Variants in EXOC4 observed in about 807,000 individuals in gnomAD.
EXOC4 encodes exocyst complex component 4.
EXOC4 carries 71 observed loss-of-function variants against 107.2 expected under a neutral mutation model. The observed-to-expected ratio is 0.66, with a 90% confidence interval of 0.55 to 0.81. The LOEUF (loss-of-function observed/expected upper bound fraction) is 0.81. Among genes scored for constraint, EXOC4 ranks in the 30% least tolerant of loss-of-function variants. The pLI is 0.00. For missense variants in EXOC4, 1,108 were observed against 1,189.6 expected (o/e 0.93, Z 1.01); for synonymous variants, 456 against 441.2 (o/e 1.03, Z -0.42).
At chr7:133,491,370 C>A (rs1017707472) in intron 9 of EXOC4, among the ~76,000 whole-genome samples, 1 of 152,184 alleles carries the variant, frequency 6.6e-6, no homozygotes, top group Non-Finnish European at 1.5e-5. Context: ...CCAGCTAACT[C>A]ATTTACATAT....
chr7:133,894,383 C>G (rs1011677783), intron 11 of EXOC4, among the ~76,000 whole-genome samples: 98 of 141,864 alleles, frequency 6.9e-4, no homozygotes, highest in Non-Finnish European at 9.8e-4. Flanking sequence ...AATGTCCTCC[C>G]GTAGCTCAGA....
At chr7:133,324,946 T>A (rs1419866789) in intron 5 of EXOC4, among the ~76,000 whole-genome samples, 1 of 152,232 alleles carries the variant, frequency 6.6e-6, no homozygotes, top group East Asian at 1.9e-4. Flanking sequence ...GTTGAATTGA[T>A]CCCTTTACCA....
At chr7:134,030,307 A>G (rs1375628462) in intron 17 of EXOC4, among the ~76,000 whole-genome samples, 1 of 152,236 alleles carries the variant, frequency 6.6e-6, no homozygotes, top group Non-Finnish European at 1.5e-5. Flanking sequence ...TATTCATAAT[A>G]GCCAAAAGGT....
intron 12 of EXOC4, among the ~76,000 whole-genome samples, chr7:133,897,835 C>G (rs573853042): frequency 6.6e-6 from 1 of 152,226 alleles, no homozygotes; most frequent in South Asian, 2.1e-4. Context: ...TCATACTTCT[C>G]TTTGTGTGTC....
chr7:133,279,876 T>G (rs141434611), intron 2 of EXOC4, among the ~76,000 whole-genome samples: 2 of 152,322 alleles, frequency 1.3e-5, no homozygotes, highest in African/African-American at 4.8e-5. Flanking sequence ...TATTGGTAGA[T>G]TCTATGTTTT....
At chr7:134,087,861 T>C in the EXOC4 span, among the ~76,000 whole-genome samples, 2 of 152,228 alleles carry the variant, frequency 1.3e-5, no homozygotes, top group African/African-American at 4.8e-5. Flanking sequence ...ATTTGTTTCA[T>C]TTTACTTGGC....
At chr7:133,536,197 A>G (rs971053429) in intron 9 of EXOC4, among the ~76,000 whole-genome samples, 2 of 152,188 alleles carry the variant, frequency 1.3e-5, no homozygotes, top group South Asian at 2.1e-4. Flanking sequence ...TGATAGGGCA[A>G]CCTAAGAGAA....
intron 10 of EXOC4, among the ~76,000 whole-genome samples, chr7:133,810,717 C>T (rs1388214797): frequency 6.6e-6 from 1 of 151,908 alleles, no homozygotes; most frequent in African/African-American, 2.4e-5. Context: ...ACTGCAACCT[C>T]CGCCTCCCAG....
At chr7:133,360,186 A>C (rs1341377854) in intron 6 of EXOC4, among the ~76,000 whole-genome samples, 1 of 152,222 alleles carries the variant, frequency 6.6e-6, no homozygotes, top group Non-Finnish European at 1.5e-5. Context: ...ATTCTTTCCC[A>C]AAATCTGATT....
chr7:133,278,721 G>T lies in EXOC4; in HGVS notation c.276+3550G>T, dbSNP rs115016239. On this transcript the variant is annotated intron_variant, in intron 2 of 17. Coordinates refer to ENST00000253861, the MANE Select transcript of EXOC4 (RefSeq NM_021807.4). ...GTGTAGGGAAGTCACGTAGGGTCTT[G>T]TAGGTCACTGGAAAGACATTGATTT... 3.4e-3 allele frequency among the ~76,000 whole-genome samples: 513 copies of T among 152,272 alleles called. 5 individuals are homozygous for T. The highest frequency in any genetic ancestry group is 0.012 in the African/African-American group (480 of 41,550).
chr7:133,476,058 C>G (rs889181143), intron 8 of EXOC4, among the ~76,000 whole-genome samples: 2 of 151,938 alleles, frequency 1.3e-5, no homozygotes, highest in African/African-American at 4.8e-5. Context: ...TAAGTGTTTC[C>G]TAGGTATCAG....
chr7:134,045,977 C>T (rs1388186743), intron 17 of EXOC4, among the ~76,000 whole-genome samples: 2 of 152,156 alleles, frequency 1.3e-5, no homozygotes, highest in Admixed American at 1.3e-4. Flanking sequence ...TAAAAATATA[C>T]TCAGGTACAC....
intron 10 of EXOC4, among the ~76,000 whole-genome samples, chr7:133,795,515 A>G (rs1297174316): frequency 6.6e-6 from 1 of 152,180 alleles, no homozygotes; most frequent in Non-Finnish European, 1.5e-5. Flanking sequence ...GCTGTATGCA[A>G]AGGACCTGGT....
intron 7 of EXOC4, among the ~76,000 whole-genome samples, chr7:133,375,869 A>G (rs567136109): frequency 6.6e-6 from 1 of 152,308 alleles, no homozygotes; most frequent in African/African-American, 2.4e-5. Context: ...TTTTCTCCAT[A>G]TGTGAGCAAA....
intron 7 of EXOC4, among the ~76,000 whole-genome samples, chr7:133,462,850 G>T (rs1798627254): frequency 6.6e-6 from 1 of 152,126 alleles, no homozygotes; most frequent in Non-Finnish European, 1.5e-5. Flanking sequence ...AACTGGTAAT[G>T]ATATAAAAAG....
intron 15 of EXOC4, among the ~76,000 whole-genome samples, chr7:134,000,870 C>G (rs181598730): frequency 2.6e-5 from 4 of 152,112 alleles, no homozygotes; most frequent in Non-Finnish European, 2.9e-5. Flanking sequence ...AGCAAAAAGT[C>G]CAGAACAACT....
At chr7:133,443,518 A>G (rs1488052484) in intron 7 of EXOC4, among the ~76,000 whole-genome samples, 1 of 152,074 alleles carries the variant, frequency 6.6e-6, no homozygotes, top group Non-Finnish European at 1.5e-5. Context: ...CAAATACCAA[A>G]AACTCCTCAG....
intron 9 of EXOC4, among the ~76,000 whole-genome samples, chr7:133,560,993 T>C (rs1229930766): frequency 6.6e-6 from 1 of 152,074 alleles, no homozygotes; most frequent in Non-Finnish European, 1.5e-5. Context: ...AAGTCAAAGA[T>C]GATTCTGTAC....
At chr7:133,531,493 G>A (rs1800180814) in intron 9 of EXOC4, among the ~76,000 whole-genome samples, 1 of 152,130 alleles carries the variant, frequency 6.6e-6, no homozygotes, top group East Asian at 1.9e-4. Flanking sequence ...GAAAACTGGA[G>A]GAACGACAAA....
Sources: allele counts gnomAD v4.1 joint callset (sites outside exome capture counted in the v4.1 genomes callset), GRCh38; gene constraint gnomAD v4.1.1; transcripts MANE v1.5; gene names NCBI Gene and HGNC (gene_info 2026-07-23, HGNC 2026-07-21).